The following PPIB variants were observed in gnomAD, a reference collection of about 807,000 sequenced individuals.
The protein encoded by PPIB is peptidylprolyl isomerase B, also known as peptidyl-prolyl cis-trans isomerase B.
A neutral mutation model predicts 20.1 loss-of-function variants in PPIB; 15 were observed. That is an observed-to-expected ratio of 0.75 (90% confidence interval 0.50 to 1.15). The LOEUF is 1.15. Among genes scored for constraint, PPIB ranks in the 50% most tolerant of loss-of-function variants. PPIB has a pLI of 0.00. For missense variants in PPIB, 278 were observed against 283.0 expected (o/e 0.98, Z 0.13); for synonymous variants, 129 against 111.0 (o/e 1.16, Z -1.02).
rs2081555675 is a variant in PPIB at position 64,159,840 on chromosome 15, C to A, written c.343+264G>T. ...CTGAAGAGGTATCAGGAAAGGTCAC[C>A]AGGCTATAGGCCTGGATCAGCAGGA... On this transcript the variant is annotated intron_variant, in intron 3 of 4. Transcript: ENST00000300026. This position sits in a 1 kb window ranked among gnomAD's most constrained non-coding sequence, Gnocchi z 5.1. The A allele has an allele frequency of 3.5e-6, 2 of 566,752 alleles. No individual in the cohort carries two copies. The highest frequency in any genetic ancestry group is 6.3e-6 in the Non-Finnish European group (2 of 315,864). The allele number at this position is 566,752 out of a possible 1,614,324, so 35.1% of individuals were successfully genotyped here. A position where few individuals can be genotyped will look rare whatever the true frequency, so the allele number is the denominator to read the frequency against.
In PPIB at chr15:64,158,232, T is replaced by C. The variant is rs1308414944; in HGVS notation, c.344-1323A>G. ...CACTCCCCATGTACTTACTCTTTCT[T>C]TCCATTCCCACCACCACCGCTGCAG... On this transcript the variant is annotated intron_variant, in intron 3 of 4. Transcript: ENST00000300026. This position sits in a 1 kb window ranked among gnomAD's most constrained non-coding sequence, Gnocchi z 4.7. 6.6e-6 allele frequency among the ~76,000 whole-genome samples: 1 copy of C among 152,196 alleles called. No homozygotes were observed. Among genetic ancestry groups the C allele is most frequent in the African/African-American group, 2.4e-5 (1 of 41,438 alleles).
In PPIB at chr15:64,157,124, G is replaced by A. The variant is rs2081539299; in HGVS notation, c.344-215C>T. On this transcript the variant is annotated intron_variant, in intron 3 of 4. Coordinates refer to ENST00000300026, the MANE Select transcript of PPIB (RefSeq NM_000942.5). The surrounding 1 kb of genome is among the most constrained non-coding windows in gnomAD (Gnocchi z 4.2). ...TGGGGCATCAGGCCAGGCTGATGTG[G>A]TGAACAGCTCACAGAAGGATTACTT... 3.7e-5 allele frequency: 22 copies of A among 598,410 alleles called. No homozygotes were observed. The South Asian group carries it at 4.2e-4, about 12-fold the overall frequency. The allele number at this position is 598,410 out of a possible 1,614,324, so 37.1% of individuals were successfully genotyped here. A position where few individuals can be genotyped will look rare whatever the true frequency, so the allele number is the denominator to read the frequency against.
rs1213273305 is a variant in PPIB at position 64,155,835 on chromosome 15, C to T, written c.*188G>A. On this transcript the variant is annotated 3_prime_UTR_variant, in exon 5 of 5. Coordinates refer to ENST00000300026, the MANE Select transcript of PPIB (RefSeq NM_000942.5). The stretch of plus-strand genomic sequence containing the variant: ...CATTATATATTAAAAAAAAAAAAAC[C>T]CACATTTTTTTTTATTGGTCAGTGT... 2 of 789,092 alleles carry T rather than the reference C, an allele frequency of 2.5e-6. No individual in the cohort carries two copies. Among genetic ancestry groups the T allele is most frequent in the Non-Finnish European group, 4.0e-6 (2 of 504,140 alleles). The allele number at this position is 789,092 out of a possible 1,614,324, so 48.9% of individuals were successfully genotyped here. A position where few individuals can be genotyped will look rare whatever the true frequency, so the allele number is the denominator to read the frequency against.
Position 64,158,022 on chromosome 15 carries a change from T to C in PPIB, c.344-1113A>G, listed in dbSNP as rs560875369. 1.3e-5 allele frequency among the ~76,000 whole-genome samples: 2 copies of C among 152,188 alleles called. No homozygotes were observed. Among genetic ancestry groups the C allele is most frequent in the Admixed American group, 6.5e-5 (1 of 15,272 alleles). ...TGAGCCAACTGTGGGATTTTGATTA[T>C]AGTTGTTATCCAGAAAACCCCCAAA... On this transcript the variant is annotated intron_variant, in intron 3 of 4. Coordinates refer to ENST00000300026, the MANE Select transcript of PPIB (RefSeq NM_000942.5). This position sits in a 1 kb window ranked among gnomAD's most constrained non-coding sequence, Gnocchi z 4.7.
Position 64,155,839 on chromosome 15 carries a change from ATT to A in PPIB, c.*182_*183del. The A allele has an allele frequency of 1.3e-6, 1 of 775,506 alleles. No homozygotes were observed. The highest frequency in any genetic ancestry group is 2.0e-6 in the Non-Finnish European group (1 of 504,792). The allele number at this position is 775,506 out of a possible 1,614,324, so 48.0% of individuals were successfully genotyped here. On this transcript the variant is annotated 3_prime_UTR_variant, in exon 5 of 5. Transcript: ENST00000300026. ...ATATATTAAAAAAAAAAAAACCCAC[ATT>A]TTTTTTTATTGGTCAGTGTTGGTAG...
rs1352429390 is a variant in PPIB at position 64,161,176 on chromosome 15, G to A, written c.249+865C>T. ...AGGATTTCGCCATGTTGGCCAGGCT[G>A]GTCTCGAACTCCTGACCTCAGGTGA... On this transcript the variant is annotated intron_variant, in intron 2 of 4. Coordinates refer to ENST00000300026, the MANE Select transcript of PPIB (RefSeq NM_000942.5). This position sits in a 1 kb window ranked among gnomAD's most constrained non-coding sequence, Gnocchi z 4.2. Among the ~76,000 whole-genome samples, 1 of 151,400 alleles carries A rather than the reference G, an allele frequency of 6.6e-6. No homozygotes were observed. Among genetic ancestry groups the A allele is most frequent in the Admixed American group, 6.6e-5 (1 of 15,240 alleles).
At position 64,160,289 on chromosome 15, in the gene PPIB, C is replaced by G; in HGVS notation, c.250-92G>C. The G allele has an allele frequency of 9.6e-7, 1 of 1,043,852 alleles. No homozygotes were observed. The highest frequency in any genetic ancestry group is 1.5e-6 in the Non-Finnish European group (1 of 671,590). 64.7% of individuals were successfully genotyped at this position (1,043,852 alleles called of 1,614,324 possible). On this transcript the variant is annotated intron_variant, in intron 2 of 4. Coordinates refer to ENST00000300026, the MANE Select transcript of PPIB (RefSeq NM_000942.5). This position sits in a 1 kb window ranked among gnomAD's most constrained non-coding sequence, Gnocchi z 4.8. ...CCTCACAGGAACAAGTCCACAACTC[C>G]TGCTCGCAGAAGAGACACCACTGCT...
At position 64,159,646 on chromosome 15, in the gene PPIB, G is replaced by C. The variant is rs1164780115; in HGVS notation, c.343+458C>G. 4.4e-6 allele frequency: 1 copy of C among 227,902 alleles called. No individual in the cohort carries two copies. Among genetic ancestry groups the C allele is most frequent in the African/African-American group, 2.3e-5 (1 of 43,728 alleles). 14.1% of individuals were successfully genotyped at this position (227,902 alleles called of 1,614,324 possible). A position where few individuals can be genotyped will look rare whatever the true frequency, so the allele number is the denominator to read the frequency against. On this transcript the variant is annotated intron_variant, in intron 3 of 4. Transcript: ENST00000300026. This position sits in a 1 kb window ranked among gnomAD's most constrained non-coding sequence, Gnocchi z 5.1. ...TGAACTCCTGGCCTCAAGTGATCCA[G>C]CCACCTTGGCCTTCCAAAGTGCTGG...
At position 64,160,201 on chromosome 15, in the gene PPIB, GAA is replaced by G; in HGVS notation, c.250-6_250-5del. Reference sequence around the variant, plus strand: ...TGTTTTTGTAGCCAAATCCTTTCTAGAAAAAGGGAAGAGAAGGTAAGGAGGTG... The same window carrying G: ...TGTTTTTGTAGCCAAATCCTTTCTAGAAAGGGAAGAGAAGGTAAGGAGGTG... On this transcript the variant is annotated splice_region_variant and splice_polypyrimidine_tract_variant and intron_variant, in intron 2 of 4. Transcript: ENST00000300026. This position sits in a 1 kb window ranked among gnomAD's most constrained non-coding sequence, Gnocchi z 4.8. The G allele has an allele frequency of 1.2e-6, 2 of 1,606,584 alleles. No homozygotes were observed. The highest frequency in any genetic ancestry group is 1.7e-6 in the Non-Finnish European group (2 of 1,173,132).
rs1474464332 is a variant in PPIB, at chr15:64,159,866, CG to C, written c.343+237del. On this transcript the variant is annotated intron_variant, in intron 3 of 4. Transcript: ENST00000300026. The surrounding 1 kb of genome is among the most constrained non-coding windows in gnomAD (Gnocchi z 5.1). ...AGGCTATAGGCCTGGATCAGCAGGA[CG>C]GTCACCTGGGAGAGATTCTCTTAGA... 14 of 594,734 alleles carry C rather than the reference CG, an allele frequency of 2.4e-5. No individual in the cohort carries two copies. The highest frequency in any genetic ancestry group is 4.2e-5 in the Non-Finnish European group (14 of 333,206). 36.8% of individuals were successfully genotyped at this position (594,734 alleles called of 1,614,324 possible).
rs2081537274 is a variant in PPIB at position 64,156,903 on chromosome 15, C to CTCT, written c.347_349dup (p.Lys116dup). On this transcript the variant is annotated inframe_insertion, in exon 4 of 5. Coordinates refer to ENST00000300026, the MANE Select transcript of PPIB (RefSeq NM_000942.5). This position sits in a 1 kb window ranked among gnomAD's most constrained non-coding sequence, Gnocchi z 6.4. ...ATCGGGGAAGCGCTCACCGTAGATG[C>CTCT]TCTTTCCTGGGAAAAAAGACAGAGC... 2 of 1,613,982 alleles carry CTCT rather than the reference C, an allele frequency of 1.2e-6. No individual in the cohort carries two copies. Among genetic ancestry groups the CTCT allele is most frequent in the Admixed American group, 3.3e-5 (2 of 60,002 alleles).
Position 64,161,972 on chromosome 15 carries a change from C to A in PPIB, c.249+69G>T. On this transcript the variant is annotated intron_variant, in intron 2 of 4. Transcript: ENST00000300026. The surrounding 1 kb of genome is among the most constrained non-coding windows in gnomAD (Gnocchi z 4.2). ...TACAGATCGGCTGAACTCTGCAGGT[C>A]AGTTTGCTGCCATCCCCAGTGCCAA... is the stretch of plus-strand genomic sequence containing the variant. The A allele has an allele frequency of 9.1e-7, 1 of 1,102,034 alleles. No individual in the cohort carries two copies. The highest frequency in any genetic ancestry group is 1.2e-5 in the South Asian group (1 of 80,656). 68.3% of individuals were successfully genotyped at this position (1,102,034 alleles called of 1,614,324 possible).
chr15:64,156,291 A>T lies in PPIB; in HGVS notation c.529-146T>A, dbSNP rs1433097905. On this transcript the variant is annotated intron_variant, in intron 4 of 4. Transcript: ENST00000300026. The surrounding 1 kb of genome is among the most constrained non-coding windows in gnomAD (Gnocchi z 6.4). ...ACTGGAGGCACCAAAATTCTAACAGACTCCTGGCCAGAGCAGGGAGAATGC... is the reference window on the plus strand; with the variant it reads ...ACTGGAGGCACCAAAATTCTAACAGTCTCCTGGCCAGAGCAGGGAGAATGC... 5 of 1,037,962 alleles carry T rather than the reference A, an allele frequency of 4.8e-6. No individual in the cohort carries two copies. The highest frequency in any genetic ancestry group is 7.3e-6 in the Non-Finnish European group (5 of 688,284). The allele number at this position is 1,037,962 out of a possible 1,614,324, so 64.3% of individuals were successfully genotyped here.
Position 64,161,295 on chromosome 15 carries a change from A to G in PPIB, c.249+746T>C, listed in dbSNP as rs1269007982. On this transcript the variant is annotated intron_variant, in intron 2 of 4. Transcript: ENST00000300026. This position sits in a 1 kb window ranked among gnomAD's most constrained non-coding sequence, Gnocchi z 4.2. ...TTAATTAATTTATTTTTTTTTTGAG[A>G]CAGGGTCTCACTCTATTGCTCAGGC... is the stretch of plus-strand genomic sequence containing the variant. Among the ~76,000 whole-genome samples the G allele has an allele frequency of 1.3e-5, 2 of 149,576 alleles. No individual in the cohort carries two copies. Among genetic ancestry groups the G allele is most frequent in the Non-Finnish European group, 3.0e-5 (2 of 67,460 alleles).
At position 64,159,072 on chromosome 15, in the gene PPIB, C is replaced by T. The variant is rs888844887; in HGVS notation, c.343+1032G>A. Among the ~76,000 whole-genome samples the T allele has an allele frequency of 9.8e-5, 15 of 152,340 alleles. No homozygotes were observed. The highest frequency in any genetic ancestry group is 3.4e-4 in the African/African-American group (14 of 41,574). ...TCGAGCCCAACTGCGTCTGACTCCA[C>T]AAATACAGTTCTTTGGTCTCCTTTG... On this transcript the variant is annotated intron_variant, in intron 3 of 4. Coordinates refer to ENST00000300026, the MANE Select transcript of PPIB (RefSeq NM_000942.5). This position sits in a 1 kb window ranked among gnomAD's most constrained non-coding sequence, Gnocchi z 5.1.
Position 64,156,185 on chromosome 15 carries a change from A to G in PPIB, c.529-40T>C, listed in dbSNP as rs1455636670. The stretch of plus-strand genomic sequence containing the variant: ...TGGAAGCAGGAGGGCATGGTGGATC[A>G]GGAGGTCCACCGCTCAGGAGAAAGG... On this transcript the variant is annotated intron_variant, in intron 4 of 4. Transcript: ENST00000300026. This position sits in a 1 kb window ranked among gnomAD's most constrained non-coding sequence, Gnocchi z 6.4. 1 of 1,612,692 alleles carries G rather than the reference A, an allele frequency of 6.2e-7. No individual in the cohort carries two copies. Among genetic ancestry groups the G allele is most frequent in the African/African-American group, 1.3e-5 (1 of 75,036 alleles).
rs1384505910 is a variant in PPIB, at chr15:64,160,014, G to A, written c.343+90C>T. 3 of 1,147,428 alleles carry A rather than the reference G, an allele frequency of 2.6e-6. No homozygotes were observed. The African/African-American group carries it at 4.6e-5, about 17-fold the overall frequency. The allele number at this position is 1,147,428 out of a possible 1,614,324, so 71.1% of individuals were successfully genotyped here. A position where few individuals can be genotyped will look rare whatever the true frequency, so the allele number is the denominator to read the frequency against. ...TAGGCCTGCCTCTAGAGCTGGGGAA[G>A]AAAGAGGCCTGGTCTCCCCAGCAGA... On this transcript the variant is annotated intron_variant, in intron 3 of 4. Coordinates refer to ENST00000300026, the MANE Select transcript of PPIB (RefSeq NM_000942.5). The surrounding 1 kb of genome is among the most constrained non-coding windows in gnomAD (Gnocchi z 4.8).
rs756196772 is a variant in PPIB at position 64,160,042 on chromosome 15, C to T, written c.343+62G>A. On this transcript the variant is annotated intron_variant, in intron 3 of 4. Transcript: ENST00000300026. The surrounding 1 kb of genome is among the most constrained non-coding windows in gnomAD (Gnocchi z 4.8). Reference sequence around the variant, plus strand: ...AGAGGCCTGGTCTCCCCAGCAGAACCTGGCCCTCCCACTGTGGAGGCTACA... The same window carrying T: ...AGAGGCCTGGTCTCCCCAGCAGAACTTGGCCCTCCCACTGTGGAGGCTACA... 7.0e-6 allele frequency: 10 copies of T among 1,419,378 alleles called. No individual in the cohort carries two copies. Among genetic ancestry groups the T allele is most frequent in the Non-Finnish European group, 1.0e-5 (10 of 1,003,162 alleles). The allele number at this position is 1,419,378 out of a possible 1,614,324, so 87.9% of individuals were successfully genotyped here.
intron 1 of PPIB, 93 bp from the exon 2 acceptor site, chr15:64,162,247 G>A (rs1371495774): frequency 8.0e-6 from 7 of 877,812 alleles, no homozygotes; most frequent in African/African-American, 1.6e-5. Flanking sequence ...ATGGGAGAGA[G>A]AATAGAGCCA....
Sources: allele counts gnomAD v4.1 joint callset (sites outside exome capture counted in the v4.1 genomes callset), GRCh38; gene constraint gnomAD v4.1.1; non-coding constraint Gnocchi (gnomAD v3.1); transcripts MANE v1.5; gene names NCBI Gene and HGNC (gene_info 2026-07-23, HGNC 2026-07-21).